The following LRRC63 variants were observed in gnomAD, a reference collection of about 807,000 sequenced individuals.
LRRC63 encodes the protein leucine-rich repeat-containing protein 63.
A neutral mutation model predicts 49.5 loss-of-function variants in LRRC63; 40 were observed. The ratio of observed to expected loss-of-function variants is 0.81; its 90% CI spans 0.63 to 1.05. The LOEUF is 1.05. LRRC63 is among the 50% of genes least tolerant of loss of function. LRRC63 has a pLI of 0.00. For synonymous variants in LRRC63, 191 were observed against 221.1 expected (o/e 0.86, Z 1.21); for missense variants, 636 against 663.1 (o/e 0.96, Z 0.45).
At chr13:46,275,853 T>C (rs1466435310) in intron 9 of LRRC63, among the ~76,000 whole-genome samples, 2 of 152,224 alleles carry the variant, frequency 1.3e-5, no homozygotes, top group African/African-American at 4.8e-5. Flanking sequence ...TTTCAAGTCT[T>C]AGCCATAAAA....
At chr13:46,254,026 A>G (rs2047449104) in intron 7 of LRRC63, among the ~76,000 whole-genome samples, 1 of 152,178 alleles carries the variant, frequency 6.6e-6, no homozygotes, top group Admixed American at 6.6e-5. Flanking sequence ...AAAGAGAACC[A>G]AGAGTATCAT....
intron 5 of LRRC63, among the ~76,000 whole-genome samples, chr13:46,239,309 C>G (rs956297440): frequency 4.8e-4 from 73 of 152,166 alleles, no homozygotes; most frequent in African/African-American, 1.7e-3. Context: ...GGGGAAGTTA[C>G]TCCTGACCCC....
intron 2 of LRRC63, among the ~76,000 whole-genome samples, chr13:46,214,936 A>G (rs920033874): frequency 1.3e-5 from 2 of 152,236 alleles, no homozygotes; most frequent in Non-Finnish European, 2.9e-5. Flanking sequence ...TGCAAAGGAC[A>G]TAATCTCATT....
At chr13:46,221,470 G>A (rs769771269) in intron 2 of LRRC63, among the ~76,000 whole-genome samples, 5 of 152,186 alleles carry the variant, frequency 3.3e-5, no homozygotes, top group East Asian at 1.9e-4. Context: ...AATTAATACC[G>A]ATTCTGATAA....
intron 9 of LRRC63, among the ~76,000 whole-genome samples, chr13:46,270,953 T>G (rs928857523): frequency 4.6e-5 from 7 of 152,234 alleles, no homozygotes; most frequent in African/African-American, 1.7e-4. Context: ...AGAAAAGTTT[T>G]AAGTAGCTAA....
intron 4 of LRRC63, among the ~76,000 whole-genome samples, 200 bp downstream of exon 4, chr13:46,228,933 T>C (rs1230456): frequency 0.32 from 48,027 of 152,072 alleles, 7,833 homozygotes; most frequent in East Asian, 0.41. Context: ...TATATTGATA[T>C]TGAGAATATA....
At chr13:46,254,090 A>G (rs534779310) in intron 7 of LRRC63, among the ~76,000 whole-genome samples, 4 of 152,314 alleles carry the variant, frequency 2.6e-5, no homozygotes, top group East Asian at 3.9e-4. Flanking sequence ...ACAGTGTCAA[A>G]TACAACAGAG....
At chr13:46,225,017 C>G (rs1476376611) in intron 2 of LRRC63, among the ~76,000 whole-genome samples, 1 of 152,150 alleles carries the variant, frequency 6.6e-6, no homozygotes, top group Non-Finnish European at 1.5e-5. Flanking sequence ...GGGCCGGTTC[C>G]TGGGCCTTAG....
chr13:46,259,767 C>A (rs2047584580), intron 7 of LRRC63, among the ~76,000 whole-genome samples: 1 of 152,098 alleles, frequency 6.6e-6, no homozygotes, highest in South Asian at 2.1e-4. Flanking sequence ...CTGTAAAAAA[C>A]AATCCTACAC....
Position 46,250,712 on chromosome 13 carries a change from G to A in LRRC63, c.1226+221G>A, listed in dbSNP as rs373588084. On this transcript the variant is annotated intron_variant, in intron 7 of 9. Transcript: ENST00000595396. ...CTAGTGACTATACATTTAGAAACAC[G>A]TTATCTGAGTACGGGTTAAATTAAC... is the stretch of plus-strand genomic sequence containing the variant. Among the ~76,000 whole-genome samples, 11 of 152,046 alleles carry A rather than the reference G, an allele frequency of 7.2e-5. No homozygotes were observed. In the South Asian group the frequency reaches 1.0e-3, roughly 14 times the overall value.
intron 7 of LRRC63, among the ~76,000 whole-genome samples, chr13:46,258,603 A>T (rs182085598): frequency 0.04 from 6,005 of 150,388 alleles, 240 homozygotes; most frequent in African/African-American, 0.096. Context: ...AGGTCAGGAG[A>T]TCGAGACCAT....
chr13:46,251,420 C>T (rs1246065492), intron 7 of LRRC63, among the ~76,000 whole-genome samples: 1 of 151,838 alleles, frequency 6.6e-6, no homozygotes, highest in Non-Finnish European at 1.5e-5. Context: ...AAGAATGTTA[C>T]ATATGGGTAT....
intron 2 of LRRC63, among the ~76,000 whole-genome samples, chr13:46,218,799 G>A (rs906326312): frequency 1.3e-5 from 2 of 152,090 alleles, no homozygotes; most frequent in Non-Finnish European, 2.9e-5. Flanking sequence ...CAGGCCTGGT[G>A]GTGACAAAAT....
intron 7 of LRRC63, among the ~76,000 whole-genome samples, chr13:46,260,217 A>G (rs1475436394): frequency 6.6e-6 from 1 of 152,238 alleles, no homozygotes; most frequent in Non-Finnish European, 1.5e-5. Flanking sequence ...AGCCAAGGTA[A>G]TAGGGAAGAT....
At chr13:46,276,660 A>G in exon 10 of LRRC63, 1 of 1,230,976 alleles carries the variant, frequency 8.1e-7, no homozygotes, top group Non-Finnish European at 1.0e-6. Flanking sequence ...ATCCTGTGAT[A>G]TTTTTGGAGC....
At chr13:46,261,068 C>T (rs1199498145) in intron 7 of LRRC63, among the ~76,000 whole-genome samples, 2 of 152,120 alleles carry the variant, frequency 1.3e-5, no homozygotes, top group African/African-American at 4.8e-5. Flanking sequence ...GAAGCAATTC[C>T]CACTTCCATC....
At chr13:46,224,782 G>A (rs2046520662) in intron 2 of LRRC63, among the ~76,000 whole-genome samples, 1 of 152,212 alleles carries the variant, frequency 6.6e-6, no homozygotes, top group East Asian at 1.9e-4. Flanking sequence ...CTTTGGCTTT[G>A]ATTCTGAGTA....
chr13:46,251,155 A>T (rs1308269893), intron 7 of LRRC63, among the ~76,000 whole-genome samples: 2 of 151,928 alleles, frequency 1.3e-5, no homozygotes, highest in African/African-American at 4.8e-5. Context: ...ACTCATAAAT[A>T]GTTGAATAAT....
chr13:46,224,012 C>A (rs1332155300), intron 2 of LRRC63, among the ~76,000 whole-genome samples: 1 of 152,212 alleles, frequency 6.6e-6, no homozygotes, highest in South Asian at 2.1e-4. Flanking sequence ...GGCAGTCTCA[C>A]TATAATGTGC....
Sources: allele counts gnomAD v4.1 joint callset (sites outside exome capture counted in the v4.1 genomes callset), GRCh38; gene constraint gnomAD v4.1.1; transcripts MANE v1.5; gene names NCBI Gene and HGNC (gene_info 2026-07-23, HGNC 2026-07-21).